TAFA1: variants seen among roughly 807,000 people sequenced by gnomAD.
TAFA1 encodes the protein TAFA chemokine like family member 1.
TAFA1 carries 4 observed loss-of-function variants against 18.5 expected under a neutral mutation model. The ratio of observed to expected loss-of-function variants is 0.22; its 90% CI spans 0.11 to 0.49. The LOEUF is 0.49. Ranked by LOEUF, TAFA1 falls within the 20% of genes least tolerant of loss-of-function variation. The pLI is 0.98. For missense variants in TAFA1, 147 were observed against 169.0 expected, an observed-to-expected ratio of 0.87 and a Z score of 0.72; for synonymous variants, 56 against 55.2, an observed-to-expected ratio of 1.01 and a Z score of -0.06.
intron 2 of TAFA1, among the ~76,000 whole-genome samples, chr3:68,092,415 GAGA>G (rs1468717314): frequency 6.6e-6 from 1 of 152,142 alleles, no homozygotes; most frequent in Non-Finnish European, 1.5e-5. Context: ...AAAAGGTTCT[GAGA>G]AGGTGGAGGT....
At chr3:68,436,592 T>C (rs2071272132) in intron 3 of TAFA1, among the ~76,000 whole-genome samples, 1 of 152,168 alleles carries the variant, frequency 6.6e-6, no homozygotes, top group Non-Finnish European at 1.5e-5. Flanking sequence ...TGTTCATTAA[T>C]TGGTCATCTA....
intron 2 of TAFA1, among the ~76,000 whole-genome samples, chr3:68,399,052 T>C (rs144057509): frequency 6.6e-6 from 1 of 152,184 alleles, no homozygotes; most frequent in African/African-American, 2.4e-5. Flanking sequence ...ATAAAAATGT[T>C]AAGTTCTAAT....
chr3:68,320,990 T>C (rs1423102837), intron 2 of TAFA1, among the ~76,000 whole-genome samples: 1 of 152,124 alleles, frequency 6.6e-6, no homozygotes, highest in Non-Finnish European at 1.5e-5. Context: ...CGTTTCCACT[T>C]TTCATATACA....
chr3:68,135,884 A>T (rs944336996), intron 2 of TAFA1, among the ~76,000 whole-genome samples: 2 of 152,172 alleles, frequency 1.3e-5, no homozygotes, highest in Non-Finnish European at 2.9e-5. Flanking sequence ...GGTGAATCTT[A>T]TGTGCATATA....
chr3:68,081,811 C>T (rs1290657864), intron 2 of TAFA1, among the ~76,000 whole-genome samples: 1 of 152,222 alleles, frequency 6.6e-6, no homozygotes, highest in Non-Finnish European at 1.5e-5. Context: ...CAGAGGCAGG[C>T]AGGCCTCCTT....
intron 2 of TAFA1, among the ~76,000 whole-genome samples, chr3:68,151,359 G>T (rs1248587901): frequency 6.6e-6 from 1 of 152,154 alleles, no homozygotes; most frequent in African/African-American, 2.4e-5. Context: ...AAGGCAGGCA[G>T]CTTTTCTTGA....
intron 2 of TAFA1, among the ~76,000 whole-genome samples, chr3:68,046,949 G>A (rs1190421075): frequency 6.6e-6 from 1 of 152,180 alleles, no homozygotes; most frequent in African/African-American, 2.4e-5. Flanking sequence ...AACCAAGTAT[G>A]TACCTCTTGC....
chr3:68,380,108 T>A (rs2069906071), intron 2 of TAFA1, among the ~76,000 whole-genome samples: 1 of 152,190 alleles, frequency 6.6e-6, no homozygotes, highest in South Asian at 2.1e-4. Flanking sequence ...CATCCTTTTT[T>A]ATGGCTGCAT....
At chr3:68,173,027 C>G (rs184248101) in intron 2 of TAFA1, among the ~76,000 whole-genome samples, 2 of 151,952 alleles carry the variant, frequency 1.3e-5, no homozygotes, top group Non-Finnish European at 2.9e-5. Context: ...TAGGGAAAAT[C>G]TGAGGATTTT....
At chr3:68,295,613 ATTTTC>A (rs1358237084) in intron 2 of TAFA1, among the ~76,000 whole-genome samples, 1 of 151,634 alleles carries the variant, frequency 6.6e-6, no homozygotes, top group African/African-American at 2.4e-5. Context: ...GTTTTGTTTT[ATTTTC>A]TTTTTTGAGA....
chr3:68,489,472 A>G (rs1277596210), intron 3 of TAFA1, among the ~76,000 whole-genome samples: 23 of 152,174 alleles, frequency 1.5e-4, no homozygotes, highest in Admixed American at 1.5e-3. Flanking sequence ...GCCAAACTCT[A>G]TTTGCAAGTT....
chr3:67,998,824 TG>T, the TAFA1 span, among the ~76,000 whole-genome samples: 1 of 152,200 alleles, frequency 6.6e-6, no homozygotes, highest in African/African-American at 2.4e-5. Flanking sequence ...GTGCCACCTG[TG>T]GGCTATCAAC....
At chr3:68,360,366 C>T (rs1057180564) in intron 2 of TAFA1, among the ~76,000 whole-genome samples, 2 of 151,976 alleles carry the variant, frequency 1.3e-5, no homozygotes, top group Non-Finnish European at 2.9e-5. Flanking sequence ...TGCCTGGTTA[C>T]AGCCATAATA....
intron 2 of TAFA1, among the ~76,000 whole-genome samples, chr3:68,356,397 C>T (rs72626988): frequency 0.024 from 3,573 of 151,838 alleles, 63 homozygotes; most frequent in East Asian, 0.093. Flanking sequence ...GCAGCGTACA[C>T]GGATGCTTGG....
intron 3 of TAFA1, among the ~76,000 whole-genome samples, chr3:68,426,705 T>C (rs2071061436): frequency 6.6e-6 from 1 of 151,868 alleles, no homozygotes; most frequent in South Asian, 2.1e-4. Context: ...CTCTATGGGG[T>C]TCACCAACAA....
intron 2 of TAFA1, among the ~76,000 whole-genome samples, chr3:68,185,634 G>A (rs2066260322): frequency 6.6e-6 from 1 of 152,008 alleles, no homozygotes. Flanking sequence ...ACTATTACAG[G>A]TGCAGTGGCT....
chr3:68,417,332 C>T lies in TAFA1; in HGVS notation c.171C>T (p.Arg57=). 1 of 1,613,404 alleles carries T rather than the reference C, an allele frequency of 6.2e-7. No individual in the cohort carries two copies. ...CACACCGATGTTGTAACAAGAATCGCATTGAGGAGCGGTCACAAACAGTAA... is the reference window on the plus strand; with the variant it reads ...CACACCGATGTTGTAACAAGAATCGTATTGAGGAGCGGTCACAAACAGTAA... The part of the protein sequence containing the change: ...IAAHRCCNKN[R]IEERSQTVKC... The change falls in exon 3 of 5, where the codon CGC becomes CGT. Residue 57 remains arginine (R), a synonymous_variant. Coordinates refer to ENST00000478136, the MANE Select transcript of TAFA1 (RefSeq NM_213609.4).
chr3:68,511,406 G>A (rs913114915), intron 3 of TAFA1, among the ~76,000 whole-genome samples: 1 of 152,034 alleles, frequency 6.6e-6, no homozygotes, highest in African/African-American at 2.4e-5. Context: ...TAGCAGACAA[G>A]TTGAAATAAA....
intron 3 of TAFA1, among the ~76,000 whole-genome samples, chr3:68,423,560 T>C (rs1157773804): frequency 6.6e-6 from 1 of 152,140 alleles, no homozygotes; most frequent in Non-Finnish European, 1.5e-5. Flanking sequence ...ACCCAGTTCA[T>C]TGGGCAATAC....
Sources: gnomAD v4.1 joint callset for allele counts (sites outside exome capture counted in the v4.1 genomes callset) on GRCh38, gnomAD v4.1.1 for gene constraint, MANE v1.5 for transcripts, NCBI Gene and HGNC (gene_info 2026-07-23, HGNC 2026-07-21) for gene names.